The following PTPRS variants were observed in gnomAD, a reference collection of about 807,000 sequenced individuals.
The protein encoded by PTPRS is receptor-type tyrosine-protein phosphatase S.
A neutral mutation model predicts 215.3 loss-of-function variants in PTPRS; 63 were observed. That is an observed-to-expected ratio of 0.29 (90% CI 0.24 to 0.36). The LOEUF is 0.36. Among genes scored for constraint, PTPRS ranks in the 10% least tolerant of loss-of-function variants. PTPRS has a pLI of 1.00. For synonymous variants in PTPRS, 1,404 were observed against 1,191.4 expected, an observed-to-expected ratio of 1.18 and a Z score of -3.68; for missense variants, 2,258 against 2,825.8, an observed-to-expected ratio of 0.80 and a Z score of 4.56.
At chr19:5,330,334 G>A (rs1056584589) in intron 1 of PTPRS, among the ~76,000 whole-genome samples, 2 of 152,200 alleles carry the variant, frequency 1.3e-5, no homozygotes, top group Non-Finnish European at 2.9e-5. Context: ...AAGACAAGGG[G>A]ACACCTGCCA....
At chr19:5,275,369 CTTCTT>C (rs2047271987) in intron 2 of PTPRS, among the ~76,000 whole-genome samples, 2 of 148,860 alleles carry the variant, frequency 1.3e-5, no homozygotes. Context: ...TGCACCCAGC[CTTCTT>C]TTCTTTTTCT....
rs553574407 is a variant in PTPRS at position 5,229,714 on chromosome 19, G to A, written c.2156-30C>T. 137 of 1,222,284 alleles carry A rather than the reference G, an allele frequency of 1.1e-4. 1 individual carries two copies. In the African/African-American group the frequency reaches 2.0e-3, roughly 18 times the overall value. The allele number at this position is 1,222,284 out of a possible 1,614,324, so 75.7% of individuals were successfully genotyped here. On this transcript the variant is annotated intron_variant, in intron 14 of 37. Coordinates refer to ENST00000262963, the MANE Select transcript of PTPRS (RefSeq NM_002850.4). ...CGGGCGGGAGGGGAGGGGAGGGGCGGGCGGAGCCGTTACCAGGGCGCCCGG... is the reference window on the plus strand; with the variant it reads ...CGGGCGGGAGGGGAGGGGAGGGGCGAGCGGAGCCGTTACCAGGGCGCCCGG...
chr19:5,269,084 C>G (rs1223648654), intron 4 of PTPRS, among the ~76,000 whole-genome samples: 1 of 152,142 alleles, frequency 6.6e-6, no homozygotes, highest in South Asian at 2.1e-4. Context: ...GGTCTGTCGG[C>G]ATCCCCCTGT....
intron 30 of PTPRS, among the ~76,000 whole-genome samples, chr19:5,213,044 C>A (rs147840229): frequency 2.0e-5 from 3 of 152,274 alleles, no homozygotes; most frequent in African/African-American, 7.2e-5. Flanking sequence ...GGCACTCTGG[C>A]CACAGCTTGG....
At position 5,229,531 on chromosome 19, in the gene PTPRS, C is replaced by T; in HGVS notation, c.2309G>A (p.Gly770Glu). 6.8e-7 allele frequency: 1 copy of T among 1,465,834 alleles called. No homozygotes were observed. Among genetic ancestry groups the T allele is most frequent in the South Asian group, 1.3e-5 (1 of 75,000 alleles). The allele number at this position is 1,465,834 out of a possible 1,614,324, so 90.8% of individuals were successfully genotyped here. The change falls in exon 15 of 38, where the codon GGG becomes GAG. Residue 770 changes from glycine to glutamate, a missense_variant. Coordinates refer to ENST00000262963, the MANE Select transcript of PTPRS (RefSeq NM_002850.4). ...CATGACGTCCTTGATGCGCGGCGGC[C>T]CGCGGGCCTCGGCGCCCTCCATGCG... is the stretch of plus-strand genomic sequence containing the variant. ...YVRMEGAEAR[G>E]PPRIKDVMLA...
At chr19:5,279,111 G>A (rs1431979303) in intron 2 of PTPRS, among the ~76,000 whole-genome samples, 4 of 151,834 alleles carry the variant, frequency 2.6e-5, no homozygotes, top group South Asian at 2.1e-4. Flanking sequence ...GCTTGAACCC[G>A]GGAGGTGGAG....
chr19:5,210,888 A>C lies in PTPRS; in HGVS notation c.5235-83T>G. 6.6e-7 allele frequency: 1 copy of C among 1,525,214 alleles called. No individual in the cohort carries two copies. Among genetic ancestry groups the C allele is most frequent in the Non-Finnish European group, 8.8e-7 (1 of 1,138,944 alleles). The allele number at this position is 1,525,214 out of a possible 1,614,324, so 94.5% of individuals were successfully genotyped here. On this transcript the variant is annotated intron_variant, in intron 33 of 37. Coordinates refer to ENST00000262963, the MANE Select transcript of PTPRS (RefSeq NM_002850.4). This position sits in a 1 kb window ranked among gnomAD's most constrained non-coding sequence, Gnocchi z 4.5. Reference sequence around the variant, plus strand: ...CCTGATGCTGCCCGGGAGGGTCAGGACCAAGCCAGTGACAGCTACACCTAC... The same window carrying C: ...CCTGATGCTGCCCGGGAGGGTCAGGCCCAAGCCAGTGACAGCTACACCTAC...
At chr19:5,217,880 T>C (rs1217790217) in intron 25 of PTPRS, among the ~76,000 whole-genome samples, 2 of 152,126 alleles carry the variant, frequency 1.3e-5, no homozygotes, top group Non-Finnish European at 2.9e-5. Flanking sequence ...TTGATTCAGT[T>C]CTCCTGGACT....
chr19:5,322,707 C>T (rs1163608970), intron 1 of PTPRS, among the ~76,000 whole-genome samples: 1 of 151,880 alleles, frequency 6.6e-6, no homozygotes, highest in Non-Finnish European at 1.5e-5. Flanking sequence ...TGGTGAAACC[C>T]TGCCTCTACT....
intron 9 of PTPRS, among the ~76,000 whole-genome samples, chr19:5,246,310 C>T (rs1425352540): frequency 6.6e-6 from 1 of 151,734 alleles, no homozygotes; most frequent in Non-Finnish European, 1.5e-5. Flanking sequence ...ACAAAGAAAC[C>T]AAAACTTCAA....
chr19:5,332,608 G>A (rs866698876), intron 1 of PTPRS, among the ~76,000 whole-genome samples: 6 of 152,278 alleles, frequency 3.9e-5, no homozygotes, highest in South Asian at 4.1e-4. Context: ...TCACACACCC[G>A]CCATGGCTTC....
intron 2 of PTPRS, among the ~76,000 whole-genome samples, chr19:5,284,464 A>T (rs994301161): frequency 3.3e-5 from 5 of 152,130 alleles, no homozygotes; most frequent in Non-Finnish European, 5.9e-5. Context: ...CAATCCCAGC[A>T]CTTTGGGAGG....
intron 1 of PTPRS, among the ~76,000 whole-genome samples, chr19:5,302,927 A>G (rs1216812648): frequency 9.6e-5 from 14 of 145,706 alleles, no homozygotes; most frequent in Admixed American, 6.1e-4. Context: ...AAAATTAGCC[A>G]GGTGTGGTGG....
rs899564115 is a variant in PTPRS, at chr19:5,310,310, TTTC to T, written c.-94-24079_-94-24077del. ...GCCACCAACCAATTCCTCTAGCTTTTTTCTTTTCTTTTTTTTTTTTTTTTTGAG... is the reference window on the plus strand; with the variant it reads ...GCCACCAACCAATTCCTCTAGCTTTTTTTTCTTTTTTTTTTTTTTTTTGAG... On this transcript the variant is annotated intron_variant, in intron 1 of 37. Coordinates refer to ENST00000262963, the MANE Select transcript of PTPRS (RefSeq NM_002850.4). 6.7e-5 allele frequency among the ~76,000 whole-genome samples: 10 copies of T among 148,672 alleles called. No individual in the cohort carries two copies. The East Asian group carries it at 1.2e-3, about 18-fold the overall frequency.
intron 23 of PTPRS, chr19:5,219,091 G>A (rs550393099): frequency 1.5e-6 from 1 of 671,516 alleles, no homozygotes; most frequent in South Asian, 1.9e-5. Flanking sequence ...TGAAGATAGG[G>A]GTTAAGAGGA....
intron 1 of PTPRS, among the ~76,000 whole-genome samples, chr19:5,319,196 G>A (rs953226818): frequency 3.9e-5 from 6 of 152,170 alleles, no homozygotes; most frequent in Middle Eastern, 3.2e-3. Flanking sequence ...CAGATCACCC[G>A]AGGTCAGGAG....
chr19:5,255,152 T>C (rs1316664080), intron 9 of PTPRS, among the ~76,000 whole-genome samples: 4 of 152,188 alleles, frequency 2.6e-5, no homozygotes, highest in Non-Finnish European at 4.4e-5. Context: ...CCTTCCAACA[T>C]GGCTGCCTGG....
At chr19:5,332,145 TA>T (rs1409641845) in intron 1 of PTPRS, among the ~76,000 whole-genome samples, 1 of 150,646 alleles carries the variant, frequency 6.6e-6, no homozygotes, top group Non-Finnish European at 1.5e-5. Context: ...TTTTTTTTTT[TA>T]GACAGAGTCT....
Position 5,295,393 on chromosome 19 carries a change from C to T in PTPRS, c.-94-9159G>A, listed in dbSNP as rs1247913205. On this transcript the variant is annotated intron_variant, in intron 1 of 37. Transcript: ENST00000262963. The surrounding 1 kb of genome is among the most constrained non-coding windows in gnomAD (Gnocchi z 4.6). Reference sequence around the variant, plus strand: ...TCTCTGTGGAGGCAGACTCTTGCCCCTATTCCACAGTGGTGACTGCAGTTG... The same window carrying T: ...TCTCTGTGGAGGCAGACTCTTGCCCTTATTCCACAGTGGTGACTGCAGTTG... 6.6e-6 allele frequency among the ~76,000 whole-genome samples: 1 copy of T among 152,226 alleles called. No homozygotes were observed. Among genetic ancestry groups the T allele is most frequent in the Non-Finnish European group, 1.5e-5 (1 of 68,040 alleles).
Sources: allele counts gnomAD v4.1 joint callset (sites outside exome capture counted in the v4.1 genomes callset), GRCh38; gene constraint gnomAD v4.1.1; non-coding constraint Gnocchi (gnomAD v3.1); transcripts MANE v1.5; gene names NCBI Gene and HGNC (gene_info 2026-07-23, HGNC 2026-07-21).